Variants in RANBP2 observed in about 807,000 individuals in gnomAD.
RANBP2 encodes E3 SUMO-protein ligase RanBP2.
Under a neutral mutation model 303.6 loss-of-function variants are expected in RANBP2, and 57 were observed. The observed-to-expected ratio is 0.19, with a 90% confidence interval of 0.15 to 0.23. RANBP2 has a LOEUF of 0.23. RANBP2 is among the 10% of genes least tolerant of loss of function. The pLI is 1.00. For missense variants in RANBP2, 3,138 were observed against 3,780.8 expected (o/e 0.83, Z 4.46); for synonymous variants, 1,167 against 1,301.5 (o/e 0.90, Z 2.23).
the RANBP2 span, among the ~76,000 whole-genome samples, chr2:109,684,475 G>A: frequency 6.0e-5 from 9 of 149,362 alleles, no homozygotes; most frequent in African/African-American, 2.0e-4. Flanking sequence ...TCCTGACCTC[G>A]TAATCCACCT....
chr2:108,744,151 C>G (rs1573745147), intron 7 of RANBP2, among the ~76,000 whole-genome samples: 2 of 152,302 alleles, frequency 1.3e-5, no homozygotes, highest in Non-Finnish European at 2.9e-5. Flanking sequence ...CGCCTATGAT[C>G]TTAGCACTTT....
chr2:109,517,501 G>A, the RANBP2 span, among the ~76,000 whole-genome samples: 15 of 151,656 alleles, frequency 9.9e-5, no homozygotes, highest in African/African-American at 3.4e-4. Context: ...TGTGAACCCC[G>A]CCTGGCTGCT....
chr2:108,994,080 A>G, the RANBP2 span, among the ~76,000 whole-genome samples: 2 of 152,182 alleles, frequency 1.3e-5, no homozygotes, highest in African/African-American at 4.8e-5. Context: ...TAGGATTTCA[A>G]TATATGAATT....
chr2:109,314,925 G>A, the RANBP2 span, among the ~76,000 whole-genome samples: 58 of 152,262 alleles, frequency 3.8e-4, no homozygotes, highest in African/African-American at 1.4e-3. Context: ...AAGAAACTTC[G>A]TCTCCCCGTA....
chr2:109,538,504 T>C, the RANBP2 span, among the ~76,000 whole-genome samples: 1 of 152,174 alleles, frequency 6.6e-6, no homozygotes, highest in Admixed American at 6.5e-5. Flanking sequence ...AGCCTGACCT[T>C]CATGGGAACT....
chr2:109,145,695 C>G, the RANBP2 span, among the ~76,000 whole-genome samples: 3 of 152,192 alleles, frequency 2.0e-5, no homozygotes, highest in Non-Finnish European at 4.4e-5. Flanking sequence ...TTTTACAGGT[C>G]TTGGGTGTTC....
chr2:108,859,007 A>G, the RANBP2 span, among the ~76,000 whole-genome samples: 2 of 152,206 alleles, frequency 1.3e-5, no homozygotes, highest in Non-Finnish European at 2.9e-5. Flanking sequence ...TCTTTTTGGT[A>G]GAACAATTTC....
chr2:109,112,537 TTTG>T, the RANBP2 span, among the ~76,000 whole-genome samples: 254 of 152,106 alleles, frequency 1.7e-3, 3 homozygotes, highest in African/African-American at 5.9e-3. Flanking sequence ...ATATTAGCCC[TTTG>T]TCAGATGAGT....
At chr2:108,803,624 C>G in the RANBP2 span, among the ~76,000 whole-genome samples, 2 of 152,098 alleles carry the variant, frequency 1.3e-5, no homozygotes, top group African/African-American at 4.8e-5. Context: ...TTTTGTTCTA[C>G]TTCTCCATGT....
chr2:109,467,775 G>A, the RANBP2 span, among the ~76,000 whole-genome samples: 1 of 152,194 alleles, frequency 6.6e-6, no homozygotes, highest in Admixed American at 6.5e-5. Flanking sequence ...CCTTTTGCCT[G>A]ATCTGACCGT....
the RANBP2 span, among the ~76,000 whole-genome samples, chr2:109,590,065 T>TAC: frequency 9.4e-5 from 14 of 148,304 alleles, no homozygotes; most frequent in African/African-American, 3.4e-4. Flanking sequence ...TGTATATATA[T>TAC]ACACACACAT....
the RANBP2 span, chr2:109,398,443 C>T: frequency 5.3e-6 from 4 of 751,622 alleles, no homozygotes; most frequent in Non-Finnish European, 8.5e-6. Context: ...GCCACCCCAC[C>T]AGCCTCTTCT....
chr2:109,187,062 G>C, the RANBP2 span, among the ~76,000 whole-genome samples: 1 of 149,760 alleles, frequency 6.7e-6, no homozygotes, highest in Non-Finnish European at 1.5e-5. Context: ...ACCTGTCACG[G>C]ATCATTTAAG....
chr2:109,183,922 A>T, the RANBP2 span, among the ~76,000 whole-genome samples: 1 of 152,136 alleles, frequency 6.6e-6, no homozygotes, highest in East Asian at 1.9e-4. Flanking sequence ...CTGTGCCCCC[A>T]CACCTACCAG....
chr2:108,876,255 C>T, the RANBP2 span: 2 of 1,570,716 alleles, frequency 1.3e-6, no homozygotes, highest in Non-Finnish European at 1.7e-6. Context: ...AGCCCTTAGA[C>T]TGGCTAATTT....
chr2:108,725,710 A>G (rs1694644885), intron 1 of RANBP2, among the ~76,000 whole-genome samples: 3 of 149,798 alleles, frequency 2.0e-5, no homozygotes, highest in African/African-American at 7.4e-5. Context: ...CAGCCTGGCG[A>G]CAGAGCAAGA....
chr2:108,925,651 T>A, the RANBP2 span, among the ~76,000 whole-genome samples: 44 of 152,244 alleles, frequency 2.9e-4, no homozygotes, highest in Admixed American at 1.4e-3. Context: ...ACAGTCTCCT[T>A]CTGTTGCCCA....
At chr2:109,360,635 T>C in the RANBP2 span, among the ~76,000 whole-genome samples, 1 of 152,360 alleles carries the variant, frequency 6.6e-6, no homozygotes, top group African/African-American at 2.4e-5. Flanking sequence ...AGCCTGTATA[T>C]AGGAAAGCAA....
At chr2:109,542,091 A>G in the RANBP2 span, among the ~76,000 whole-genome samples, 6 of 152,344 alleles carry the variant, frequency 3.9e-5, no homozygotes, top group African/African-American at 1.4e-4. Context: ...CATAAGCTTA[A>G]TGGGAAAAAT....
Sources: gnomAD v4.1 joint callset for allele counts (sites outside exome capture counted in the v4.1 genomes callset) on GRCh38, gnomAD v4.1.1 for gene constraint, MANE v1.5 for transcripts, NCBI Gene and HGNC (gene_info 2026-07-23, HGNC 2026-07-21) for gene names.